The following TNC variants were observed in gnomAD, a reference collection of about 807,000 sequenced individuals.
The protein encoded by TNC is tenascin C.
In TNC, 109 loss-of-function variants were observed where a neutral mutation model predicts 202.4. That is an observed-to-expected ratio of 0.54 (90% CI 0.46 to 0.63). The LOEUF (loss-of-function observed/expected upper bound fraction) is 0.63. Ranked by LOEUF, TNC falls within the 30% of genes least tolerant of loss-of-function variation. The pLI is 0.00. For synonymous variants in TNC, 1,007 were observed against 1,089.7 expected (o/e 0.92, Z 1.50); for missense variants, 2,756 against 2,833.3 (o/e 0.97, Z 0.62).
chr9:115,046,328 G>T, intron 17 of TNC, 82 bp downstream of exon 17: 1 of 1,500,570 alleles, frequency 6.7e-7, no homozygotes. Context: ...TGCATCCAAA[G>T]CTCCTGTGAT....
intron 17 of TNC, among the ~76,000 whole-genome samples, chr9:115,045,220 C>T (rs1194817922): frequency 6.6e-6 from 1 of 152,182 alleles, no homozygotes; most frequent in Admixed American, 6.5e-5. Context: ...TTGAAGCAGC[C>T]ATCTCCAGCG....
In TNC at chr9:115,086,137, A is replaced by G. The variant is rs1834703287; in HGVS notation, c.1594T>C (p.Cys532Arg). The change falls in exon 3 of 28, where the codon TGT (cysteine) becomes CGT (arginine). Residue 532 changes from cysteine (C) to arginine (R), a missense_variant. By Grantham distance (180) the Cys-to-Arg change is radical. This residue lies in a region of TNC where 2,559 missense variants were observed against 2,546.0 expected (regional missense o/e 1.01). Transcript: ENST00000350763. ...FTGPDCAELS[C>R]PNDCHGQGRC... Reference sequence around the variant, plus strand: ...CCCTGGCCATGGCAGTCATTTGGACAGGAGAGTTCTGCACAGTCAGGGCCG... The same window carrying G: ...CCCTGGCCATGGCAGTCATTTGGACGGGAGAGTTCTGCACAGTCAGGGCCG... 2 of 1,614,074 alleles carry G rather than the reference A, an allele frequency of 1.2e-6. No individual in the cohort carries two copies. The highest frequency in any genetic ancestry group is 1.7e-6 in the Non-Finnish European group (2 of 1,179,938).
intron 1 of TNC, among the ~76,000 whole-genome samples, chr9:115,113,761 T>C (rs953269671): frequency 1.3e-5 from 2 of 152,220 alleles, no homozygotes; most frequent in African/African-American, 4.8e-5. Context: ...AAAATCTCCA[T>C]TCACAGATAG....
At chr9:115,099,148 G>A (rs1472540290) in intron 1 of TNC, among the ~76,000 whole-genome samples, 1 of 152,096 alleles carries the variant, frequency 6.6e-6, no homozygotes, top group East Asian at 1.9e-4. Flanking sequence ...GATGCTGGGG[G>A]AGCCAGTGAT....
chr9:115,032,386 A>T (rs1399842508), intron 22 of TNC, among the ~76,000 whole-genome samples: 1 of 152,186 alleles, frequency 6.6e-6, no homozygotes, highest in Non-Finnish European at 1.5e-5. Flanking sequence ...CATCACAAGA[A>T]ATGGGGAGCC....
Position 115,043,271 on chromosome 9 carries a change from G to GT in TNC, c.5126-931dup, listed in dbSNP as rs202149634. ...TGAAACCCACAGAAATTCAGCAAGGGTTTTTTTTTCTTCCTCTTTCTGCAT... is the reference window on the plus strand; with the variant it reads ...TGAAACCCACAGAAATTCAGCAAGGGTTTTTTTTTTCTTCCTCTTTCTGCAT... On this transcript the variant is annotated intron_variant, in intron 17 of 27. Coordinates refer to ENST00000350763, the MANE Select transcript of TNC (RefSeq NM_002160.4). Among the ~76,000 whole-genome samples, 767 of 151,494 alleles carry GT rather than the reference G, an allele frequency of 5.1e-3. 6 individuals are homozygous for GT. The highest frequency in any genetic ancestry group is 0.013 in the African/African-American group (528 of 41,262).
In TNC at chr9:115,035,564, G is replaced by A. The variant is rs183487351; in HGVS notation, c.5657-230C>T. 9.7e-4 allele frequency: 460 copies of A among 472,582 alleles called. 1 individual carries two copies. Among genetic ancestry groups the A allele is most frequent in the Non-Finnish European group, 1.5e-3 (406 of 267,122 alleles). The allele number at this position is 472,582 out of a possible 1,614,324, so 29.3% of individuals were successfully genotyped here. On this transcript the variant is annotated intron_variant, in intron 21 of 27. Transcript: ENST00000350763. ...GGCTGGATGTTTCTAACTGGCCTTG[G>A]TTGGATTTAGAGAGAAGTATACAGC... is the stretch of plus-strand genomic sequence containing the variant.
chr9:115,043,220 T>C (rs1005715854), intron 17 of TNC, among the ~76,000 whole-genome samples: 15 of 152,146 alleles, frequency 9.9e-5, no homozygotes, highest in African/African-American at 3.6e-4. Flanking sequence ...TTTTCCCCTC[T>C]CCAACCCACA....
intron 17 of TNC, among the ~76,000 whole-genome samples, chr9:115,044,262 TA>T (rs3838332): frequency 0.24 from 33,647 of 142,564 alleles, 3,840 homozygotes; most frequent in African/African-American, 0.25. Flanking sequence ...GAGAAAGGAT[TA>T]AAAAAAAAAA....
chr9:115,070,054 T>C (rs1054653844), intron 10 of TNC, among the ~76,000 whole-genome samples: 2 of 151,916 alleles, frequency 1.3e-5, no homozygotes, highest in African/African-American at 4.8e-5. Context: ...TTGTCTGCCT[T>C]CAGGGCACTG....
chr9:115,089,346 T>C (rs191405620), intron 2 of TNC, among the ~76,000 whole-genome samples: 14 of 152,292 alleles, frequency 9.2e-5, no homozygotes, highest in Admixed American at 9.2e-4. Flanking sequence ...TGTAGCTTTA[T>C]CAACTTTAGT....
chr9:115,021,555 T>C (rs148347101), intron 27 of TNC, among the ~76,000 whole-genome samples: 74 of 152,332 alleles, frequency 4.9e-4, no homozygotes, highest in African/African-American at 1.7e-3. Context: ...GGCAAAATGG[T>C]GGCTGATGAA....
chr9:115,076,593 C>T lies in TNC; in HGVS notation c.2675-18G>A, dbSNP rs374563435. The T allele has an allele frequency of 1.9e-6, 3 of 1,613,042 alleles. No individual in the cohort carries two copies. Among genetic ancestry groups the T allele is most frequent in the African/African-American group, 2.7e-5 (2 of 75,040 alleles). Reference sequence around the variant, plus strand: ...ATCGAGGCCTGTTTGAGAGAAGGAACATTTGTATTGAACATATCAGTCACA... The same window carrying T: ...ATCGAGGCCTGTTTGAGAGAAGGAATATTTGTATTGAACATATCAGTCACA... On this transcript the variant is annotated intron_variant, in intron 7 of 27. Coordinates refer to ENST00000350763, the MANE Select transcript of TNC (RefSeq NM_002160.4).
intron 1 of TNC, among the ~76,000 whole-genome samples, chr9:115,093,043 A>G (rs1835353312): frequency 6.6e-6 from 1 of 152,114 alleles, no homozygotes; most frequent in African/African-American, 2.4e-5. Flanking sequence ...TTCTGGAAAG[A>G]TTTTATCCTA....
At chr9:115,062,827 G>A in intron 13 of TNC, 90 bp downstream of exon 13, 1 of 1,431,568 alleles carries the variant, frequency 7.0e-7, no homozygotes, top group African/African-American at 1.4e-5. Context: ...ACAACATTGG[G>A]GTAGGATTCT....
At chr9:115,094,172 G>T (rs747607581) in intron 1 of TNC, among the ~76,000 whole-genome samples, 4 of 152,148 alleles carry the variant, frequency 2.6e-5, no homozygotes, top group Non-Finnish European at 5.9e-5. Flanking sequence ...GCTCGTAGTA[G>T]GCACTCATTA....
intron 6 of TNC, 130 bp from the exon 7 acceptor site, chr9:115,078,342 C>G (rs542543754): frequency 9.5e-7 from 1 of 1,057,240 alleles, no homozygotes; most frequent in East Asian, 2.6e-5. Flanking sequence ...TTTACTTTGC[C>G]TTTCTGAACC....
chr9:115,107,587 T>G (rs918907693), intron 1 of TNC, among the ~76,000 whole-genome samples: 2 of 152,186 alleles, frequency 1.3e-5, no homozygotes, highest in African/African-American at 4.8e-5. Flanking sequence ...TAGGTATTAT[T>G]ATGCTTATTT....
At chr9:115,031,430 C>G in intron 23 of TNC, 123 bp downstream of exon 23, 1 of 1,112,984 alleles carries the variant, frequency 9.0e-7, no homozygotes, top group Non-Finnish European at 1.2e-6. Flanking sequence ...CAAGTAGTAG[C>G]AGTGAATCGA....
Sources: gnomAD v4.1 joint callset for allele counts (sites outside exome capture counted in the v4.1 genomes callset) on GRCh38, gnomAD v4.1.1 for gene constraint, gnomAD v4.1.1 regional missense constraint, MANE v1.5 for transcripts, NCBI Gene and HGNC (gene_info 2026-07-23, HGNC 2026-07-21) for gene names.